Variants in LRPPRC observed in about 807,000 individuals in gnomAD.
LRPPRC encodes leucine-rich PPR motif-containing protein, mitochondrial.
Under a neutral mutation model 180.3 loss-of-function variants are expected in LRPPRC, and 120 were observed. The ratio of observed to expected loss-of-function variants is 0.67; its 90% confidence interval spans 0.57 to 0.77. The LOEUF (loss-of-function observed/expected upper bound fraction) is 0.77, where lower values mean the gene tolerates loss of function less well. Ranked by LOEUF, LRPPRC falls within the 30% of genes least tolerant of loss-of-function variation. The pLI, the probability that LRPPRC is intolerant of heterozygous loss-of-function variation, is 0.00. For missense variants in LRPPRC, 2,012 were observed against 1,657.2 expected (o/e 1.21, Z -3.72); for synonymous variants, 723 against 600.0 (o/e 1.21, Z -3.00).
chr2:43,908,830 C>T (rs1223684199), intron 30 of LRPPRC, among the ~76,000 whole-genome samples: 8 of 152,124 alleles, frequency 5.3e-5, no homozygotes, highest in Non-Finnish European at 8.8e-5. Context: ...CCACCATGCT[C>T]GGCCAAAACT....
intron 29 of LRPPRC, among the ~76,000 whole-genome samples, chr2:43,912,949 T>C (rs1671317091): frequency 6.6e-6 from 1 of 152,180 alleles, no homozygotes; most frequent in African/African-American, 2.4e-5. Flanking sequence ...ACCAGAGGTA[T>C]AATTTAGATT....
In LRPPRC at chr2:43,946,300, C is replaced by T. The variant is rs993319227; in HGVS notation, c.2080-57G>A. 1.1e-4 allele frequency: 148 copies of T among 1,364,310 alleles called. 1 individual carries two copies. The highest frequency in any genetic ancestry group is 3.6e-4 in the Middle Eastern group (2 of 5,582). The allele number at this position is 1,364,310 out of a possible 1,614,324, so 84.5% of individuals were successfully genotyped here. A position where few individuals can be genotyped will look rare whatever the true frequency, so the allele number is the denominator to read the frequency against. ...AATCAGTGTGAAGGTAAAAATGTCA[C>T]ATTTTTAGCTTTACTGTTCAGAGTT... On this transcript the variant is annotated intron_variant, in intron 20 of 37. Transcript: ENST00000260665.
intron 30 of LRPPRC, 83 bp downstream of exon 30, chr2:43,912,349 G>T: frequency 1.6e-6 from 2 of 1,261,410 alleles, no homozygotes; most frequent in East Asian, 2.3e-5. Context: ...TTACTACACA[G>T]CACATTACTA....
chr2:43,953,716 T>G (rs1216537728), intron 14 of LRPPRC, among the ~76,000 whole-genome samples: 1 of 152,220 alleles, frequency 6.6e-6, no homozygotes, highest in Admixed American at 6.5e-5. Context: ...ATTTTCAATG[T>G]TATCTATTCA....
chr2:43,901,742 CTTT>C (rs1670896191), intron 31 of LRPPRC: 2 of 529,944 alleles, frequency 3.8e-6, no homozygotes, highest in Non-Finnish European at 3.4e-6. Flanking sequence ...GGAATTTCTT[CTTT>C]AAGTCACAGA....
intron 1 of LRPPRC, among the ~76,000 whole-genome samples, chr2:43,985,662 G>A (rs1482736517): frequency 1.3e-5 from 2 of 152,118 alleles, no homozygotes; most frequent in Admixed American, 1.3e-4. Flanking sequence ...ACAGCATGAC[G>A]GCGCACTTCT....
chr2:43,981,192 C>G lies in LRPPRC; in HGVS notation c.346+1046G>C, dbSNP rs1674292241. On this transcript the variant is annotated intron_variant, in intron 2 of 37. Coordinates refer to ENST00000260665, the MANE Select transcript of LRPPRC (RefSeq NM_133259.4). ...AGTGACTCAAACAGATTTTTAGTAG[C>G]TAATTGAAAATGAAAGGAAAATAAT... Among the ~76,000 whole-genome samples the G allele has an allele frequency of 2.0e-5, 3 of 151,920 alleles. No individual in the cohort carries two copies. In the South Asian group the frequency reaches 6.2e-4, roughly 32 times the overall value.
intron 36 of LRPPRC, among the ~76,000 whole-genome samples, chr2:43,893,154 T>A (rs1670555976): frequency 6.6e-6 from 1 of 152,216 alleles, no homozygotes; most frequent in Non-Finnish European, 1.5e-5. Context: ...AGAAGCTGTT[T>A]CCTATGGATG....
intron 14 of LRPPRC, among the ~76,000 whole-genome samples, chr2:43,956,693 C>G (rs1318518016): frequency 6.6e-6 from 1 of 152,094 alleles, no homozygotes; most frequent in Non-Finnish European, 1.5e-5. Context: ...AGTTCGAGAC[C>G]AACCTGGCCA....
intron 1 of LRPPRC, among the ~76,000 whole-genome samples, chr2:43,989,166 A>T (rs533308371): frequency 2.0e-5 from 3 of 152,146 alleles, no homozygotes; most frequent in Non-Finnish European, 4.4e-5. Flanking sequence ...GGCCTAAAAA[A>T]TCTTTTATAA....
chr2:43,936,646 G>C (rs1315748457), intron 23 of LRPPRC, among the ~76,000 whole-genome samples: 8 of 152,174 alleles, frequency 5.3e-5, no homozygotes, highest in African/African-American at 1.9e-4. Flanking sequence ...AGAAATGTTA[G>C]TTTTATTGCA....
At chr2:43,967,948 T>C (rs1673634214) in intron 11 of LRPPRC, among the ~76,000 whole-genome samples, 1 of 152,194 alleles carries the variant, frequency 6.6e-6, no homozygotes, top group Non-Finnish European at 1.5e-5. Flanking sequence ...CATGATGACA[T>C]AGCTAAGTTG....
intron 27 of LRPPRC, among the ~76,000 whole-genome samples, chr2:43,921,935 C>T (rs531593692): frequency 1.3e-5 from 2 of 152,176 alleles, no homozygotes; most frequent in Non-Finnish European, 2.9e-5. Context: ...GGCAGTTTGA[C>T]TCTTGGATAG....
At chr2:43,936,537 C>G (rs775087543) in intron 23 of LRPPRC, among the ~76,000 whole-genome samples, 4 of 152,184 alleles carry the variant, frequency 2.6e-5, no homozygotes, top group Non-Finnish European at 5.9e-5. Context: ...AAAGCCTTCA[C>G]ATTTTTGCCT....
Position 43,888,647 on chromosome 2 carries a change from C to G in LRPPRC, c.4138G>C (p.Glu1380Gln), listed in dbSNP as rs771681869. Residue 1380 changes from glutamate to glutamine, a missense_variant, in exon 38 of 38, where the codon GAA becomes CAA. By Grantham distance (29) the Glu-to-Gln change is conservative (BLOSUM62 2). Coordinates refer to ENST00000260665, the MANE Select transcript of LRPPRC (RefSeq NM_133259.4). Reference protein sequence around the residue: ...VPFIEPPESFEFYAQQLRKLR... With the variant: ...VPFIEPPESFQFYAQQLRKLR... Reference sequence around the variant, plus strand: ...TTTCTTAGCTGCTGTGCATAAAATTCAAAGCTTTCCTGTTAAGGAGAAAAA... The same window carrying G: ...TTTCTTAGCTGCTGTGCATAAAATTGAAAGCTTTCCTGTTAAGGAGAAAAA... 5 of 1,592,134 alleles carry G rather than the reference C, an allele frequency of 3.1e-6. No homozygotes were observed. Among genetic ancestry groups the G allele is most frequent in the Non-Finnish European group, 4.3e-6 (5 of 1,160,332 alleles).
intron 23 of LRPPRC, among the ~76,000 whole-genome samples, chr2:43,937,997 A>C (rs1394813904): frequency 1.3e-5 from 2 of 152,208 alleles, no homozygotes; most frequent in Non-Finnish European, 2.9e-5. Context: ...TAATCCTCTG[A>C]AGAAATTAAT....
At chr2:43,965,273 C>T (rs1008468398) in intron 11 of LRPPRC, among the ~76,000 whole-genome samples, 1 of 152,300 alleles carries the variant, frequency 6.6e-6, no homozygotes, top group Middle Eastern at 3.4e-3. Context: ...GTTGGTCAAG[C>T]TGGTCTTGAA....
chr2:43,933,122 G>C (rs565724785), intron 25 of LRPPRC, among the ~76,000 whole-genome samples: 2 of 152,280 alleles, frequency 1.3e-5, no homozygotes, highest in South Asian at 4.1e-4. Context: ...ACCTGTCCAA[G>C]ATAGCACGAT....
rs914902585 is a variant in LRPPRC at position 43,894,701 on chromosome 2, C to A, written c.3901-72G>T. 37 of 790,132 alleles carry A rather than the reference C, an allele frequency of 4.7e-5. No individual in the cohort carries two copies. In the South Asian group the frequency reaches 5.2e-4, roughly 11 times the overall value. The allele number at this position is 790,132 out of a possible 1,614,324, so 48.9% of individuals were successfully genotyped here. On this transcript the variant is annotated intron_variant, in intron 35 of 37. Transcript: ENST00000260665. ...GTGAATTAGAACACTGACAAATCAA[C>A]ACTATATTAAAAATTTTCACAATAA... is the stretch of plus-strand genomic sequence containing the variant.
Sources: gnomAD v4.1 joint callset for allele counts (sites outside exome capture counted in the v4.1 genomes callset) on GRCh38, gnomAD v4.1.1 for gene constraint, MANE v1.5 for transcripts, NCBI Gene and HGNC (gene_info 2026-07-23, HGNC 2026-07-21) for gene names.